FRMPD3: variants seen among roughly 807,000 people sequenced by gnomAD.
The protein encoded by FRMPD3 is FERM and PDZ domain containing 3.
FRMPD3 carries 42 observed loss-of-function variants against 97.9 expected under a neutral mutation model. The observed-to-expected ratio is 0.43, with a 90% CI of 0.34 to 0.55. FRMPD3 has a LOEUF of 0.55. Among genes scored for constraint, FRMPD3 ranks in the 20% least tolerant of loss-of-function variants. The pLI, the probability that FRMPD3 is intolerant of heterozygous loss-of-function variation, is 0.03. For synonymous variants in FRMPD3, 577 were observed against 581.1 expected, an observed-to-expected ratio of 0.99 and a Z score of 0.10; for missense variants, 1,303 against 1,457.7, an observed-to-expected ratio of 0.89 and a Z score of 1.73.
chrX:107,575,507 A>G (rs1247545241), intron 12 of FRMPD3, among the ~76,000 whole-genome samples: 2 of 109,474 alleles, frequency 1.8e-5, no homozygotes, highest in Middle Eastern at 4.2e-3. Flanking sequence ...TTGGAGTGCA[A>G]TGGCGCCATC....
At chrX:107,565,703 A>AT (rs1047016294) in intron 12 of FRMPD3, among the ~76,000 whole-genome samples, 5 of 110,577 alleles carry the variant, frequency 4.5e-5, no homozygotes, top group African/African-American at 9.9e-5. Context: ...TCAAAAAAAA[A>AT]AAATAAAATA....
At chrX:107,456,257 A>G (rs1445479554) in intron 1 of FRMPD3, among the ~76,000 whole-genome samples, 1 of 110,237 alleles carries the variant, frequency 9.1e-6, no homozygotes, top group Non-Finnish European at 1.9e-5. Flanking sequence ...CTGGTCTCCA[A>G]TTCCTGGGCT....
intron 13 of FRMPD3, among the ~76,000 whole-genome samples, chrX:107,583,485 T>C (rs951327698): frequency 8.9e-6 from 1 of 112,228 alleles, no homozygotes; most frequent in African/African-American, 3.2e-5. Context: ...ATCCAGTTTA[T>C]CACTGATGGG....
At chrX:107,567,004 A>T (rs1922630721) in intron 12 of FRMPD3, among the ~76,000 whole-genome samples, 1 of 112,214 alleles carries the variant, frequency 8.9e-6, no homozygotes, top group African/African-American at 3.2e-5. Flanking sequence ...ACAATATCAG[A>T]ACATGTATAG....
At chrX:107,484,323 G>C (rs920107532) in intron 1 of FRMPD3, among the ~76,000 whole-genome samples, 17 of 112,566 alleles carry the variant, frequency 1.5e-4, no homozygotes, top group African/African-American at 5.2e-4. Context: ...GAGGTAACAG[G>C]GAGGGAGCTG....
intron 6 of FRMPD3, among the ~76,000 whole-genome samples, chrX:107,551,509 T>G (rs985397664): frequency 3.1e-4 from 35 of 112,150 alleles, no homozygotes; most frequent in African/African-American, 1.1e-3. Flanking sequence ...TTCTCTGAAG[T>G]TCTCCCACCT....
rs747210057 is a variant in FRMPD3 at position 107,477,662 on chromosome X, C to G, written c.-8+27657C>G. The stretch of plus-strand genomic sequence containing the variant: ...CTAATACCCAAGTGTTATGCTTACT[C>G]TGTGATCCAAGAGCACCAGGCTGGG... On this transcript the variant is annotated intron_variant, in intron 1 of 14. Coordinates refer to ENST00000683843, the MANE Select transcript of FRMPD3 (RefSeq NM_001388459.1). Among the ~76,000 whole-genome samples the G allele has an allele frequency of 6.2e-5, 7 of 112,227 alleles. No individual in the cohort carries two copies. In the South Asian group the frequency reaches 2.3e-3, roughly 36 times the overall value.
chrX:107,562,436 C>A (rs775783547), intron 10 of FRMPD3, among the ~76,000 whole-genome samples: 1 of 112,358 alleles, frequency 8.9e-6, no homozygotes, highest in East Asian at 2.8e-4. Flanking sequence ...TGTGGAGGCA[C>A]TTGAGGGAAA....
intron 1 of FRMPD3, among the ~76,000 whole-genome samples, chrX:107,487,616 A>G (rs1260273973): frequency 9.0e-6 from 1 of 111,451 alleles, no homozygotes; most frequent in Non-Finnish European, 1.9e-5. Context: ...TTCTCTGAAA[A>G]GAAAGAGTTC....
rs374654525 is a variant in FRMPD3 at position 107,548,936 on chromosome X, G to A, written c.403-1113G>A. ...GAATGCATGGAAAGACCAGGTCCAA[G>A]TATCTGATGATATTAGACCAAGGCT... On this transcript the variant is annotated intron_variant, in intron 5 of 14. Coordinates refer to ENST00000683843, the MANE Select transcript of FRMPD3 (RefSeq NM_001388459.1). Among the ~76,000 whole-genome samples, 225 of 112,435 alleles carry A rather than the reference G, an allele frequency of 2.0e-3. 1 individual carries two copies. The highest frequency in any genetic ancestry group is 5.2e-3 in the South Asian group (14 of 2,682).
At chrX:107,551,735 G>A (rs933683066) in intron 6 of FRMPD3, among the ~76,000 whole-genome samples, 15 of 112,202 alleles carry the variant, frequency 1.3e-4, no homozygotes, top group Non-Finnish European at 2.3e-4. Flanking sequence ...GTTGGCAATC[G>A]CCGGATTGGC....
chrX:107,461,791 A>ACATATC, intron 1 of FRMPD3, among the ~76,000 whole-genome samples: 1 of 108,530 alleles, frequency 9.2e-6, no homozygotes, highest in Non-Finnish European at 1.9e-5. Context: ...ATATACATAT[A>ACATATC]CATATACATA....
chrX:107,546,370 G>A lies in FRMPD3; in HGVS notation c.402+529G>A, dbSNP rs926853198. On this transcript the variant is annotated intron_variant, in intron 5 of 14. Coordinates refer to ENST00000683843, the MANE Select transcript of FRMPD3 (RefSeq NM_001388459.1). ...GCTATGTTCTTAGCACCAGAGGGGA[G>A]GCAAAATAAATACCTGTTCCCTGCT... 3.6e-5 allele frequency among the ~76,000 whole-genome samples: 4 copies of A among 111,988 alleles called. No homozygotes were observed. The Admixed American group carries it at 3.8e-4, about 11-fold the overall frequency.
At chrX:107,543,413 C>T (rs949243930) in intron 4 of FRMPD3, among the ~76,000 whole-genome samples, 1 of 111,205 alleles carries the variant, frequency 9.0e-6, no homozygotes, top group African/African-American at 3.3e-5. Context: ...AGTTTCTGCC[C>T]AGAAGCCTTT....
intron 4 of FRMPD3, among the ~76,000 whole-genome samples, chrX:107,543,162 T>C (rs756067710): frequency 1.8e-5 from 2 of 111,325 alleles, no homozygotes; most frequent in South Asian, 3.8e-4. Context: ...TACACTCTGT[T>C]TTCCACACAG....
At chrX:107,468,237 C>T (rs1445006372) in intron 1 of FRMPD3, among the ~76,000 whole-genome samples, 6 of 112,133 alleles carry the variant, frequency 5.4e-5, no homozygotes, top group Non-Finnish European at 1.1e-4. Context: ...TACTAGATGC[C>T]ATGGAAAACT....
At chrX:107,471,762 C>T (rs890582706) in intron 1 of FRMPD3, among the ~76,000 whole-genome samples, 2 of 112,048 alleles carry the variant, frequency 1.8e-5, no homozygotes, top group Non-Finnish European at 3.8e-5. Context: ...AATAAACATA[C>T]GTGTGCATGT....
chrX:107,506,213 G>A (rs1266993401), intron 1 of FRMPD3, among the ~76,000 whole-genome samples: 2 of 112,244 alleles, frequency 1.8e-5, no homozygotes, highest in African/African-American at 6.5e-5. Flanking sequence ...CTGAGGTAAA[G>A]AGGGATGGCC....
At chrX:107,570,978 A>G (rs888411574) in intron 12 of FRMPD3, among the ~76,000 whole-genome samples, 3 of 111,900 alleles carry the variant, frequency 2.7e-5, no homozygotes, top group African/African-American at 6.5e-5. Flanking sequence ...TGGCCTGGGC[A>G]TATTAATTAG....
Sources: allele counts gnomAD v4.1 joint callset (sites outside exome capture counted in the v4.1 genomes callset), GRCh38; gene constraint gnomAD v4.1.1; transcripts MANE v1.5; gene names NCBI Gene and HGNC (gene_info 2026-07-23, HGNC 2026-07-21).